The following ARMC3 variants were observed in gnomAD, a reference collection of about 807,000 sequenced individuals.
ARMC3 encodes the protein armadillo repeat-containing protein 3.
A neutral mutation model predicts 90.3 loss-of-function variants in ARMC3; 74 were observed. That is an observed-to-expected ratio of 0.82 (90% CI 0.68 to 0.99). The LOEUF (loss-of-function observed/expected upper bound fraction) is 0.99. ARMC3 is among the 50% of genes least tolerant of loss of function. The probability of loss-of-function intolerance (pLI) is 0.00; values close to 1 mark genes in which losing one functional copy is unlikely to be tolerated. For missense variants in ARMC3, 958 were observed against 1,042.8 expected (o/e 0.92, Z 1.12); for synonymous variants, 334 against 361.8 (o/e 0.92, Z 0.87).
At chr10:22,934,715 A>G (rs920429094) in intron 2 of ARMC3, among the ~76,000 whole-genome samples, 10 of 152,234 alleles carry the variant, frequency 6.6e-5, no homozygotes, top group African/African-American at 2.4e-4. Context: ...TGCTTAATTC[A>G]TAGGAATACC....
At chr10:22,988,332 T>A (rs1836550598) in intron 10 of ARMC3, among the ~76,000 whole-genome samples, 2 of 152,158 alleles carry the variant, frequency 1.3e-5, no homozygotes, top group Non-Finnish European at 2.9e-5. Flanking sequence ...CAAAAATCAG[T>A]GCTGCATTTA....
intron 16 of ARMC3, among the ~76,000 whole-genome samples, chr10:23,029,827 C>G (rs1402332640): frequency 6.6e-6 from 1 of 152,054 alleles, no homozygotes. Flanking sequence ...TGTTCTTGTA[C>G]GTCATGGAGA....
At chr10:23,011,313 TG>T (rs1272322802) in intron 16 of ARMC3, among the ~76,000 whole-genome samples, 1 of 152,170 alleles carries the variant, frequency 6.6e-6, no homozygotes, top group Non-Finnish European at 1.5e-5. Flanking sequence ...CTGGAGCAAA[TG>T]GGTTACCTTC....
intron 8 of ARMC3, among the ~76,000 whole-genome samples, chr10:22,978,261 C>CA (rs1483136741): frequency 2.0e-5 from 3 of 152,314 alleles, no homozygotes; most frequent in Middle Eastern, 6.8e-3. Context: ...TTAATTGACT[C>CA]ACAGTTCTGC....
rs1459189291 is a variant in ARMC3 at position 23,010,811 on chromosome 10, G to GCTCCTTCCCTTGCCTCTCCT, written c.2045+1932_2045+1951dup. Among the ~76,000 whole-genome samples, 98 of 84,492 alleles carry GCTCCTTCCCTTGCCTCTCCT rather than the reference G, an allele frequency of 1.2e-3. 5 individuals are homozygous for GCTCCTTCCCTTGCCTCTCCT. The highest frequency in any genetic ancestry group is 5.9e-3 in the African/African-American group (95 of 16,046). 55.4% of individuals were successfully genotyped at this position (84,492 alleles called of 152,430 possible). The stretch of plus-strand genomic sequence containing the variant: ...CTCCTCTCCTTTGCTCTCTCTCCCT[G>GCTCCTTCCCTTGCCTCTCCT]CTCCTTCCCTTGCCTCTCCTCTCCT... On this transcript the variant is annotated intron_variant, in intron 16 of 18. Coordinates refer to ENST00000298032, the MANE Select transcript of ARMC3 (RefSeq NM_173081.5).
At position 22,929,713 on chromosome 10, in the gene ARMC3, G is replaced by A. The variant is rs141001405; in HGVS notation, c.-2+1607G>A. On this transcript the variant is annotated intron_variant, in intron 1 of 18. Transcript: ENST00000298032. ...CAGGCACATGCCACCGCCACTCCAG[G>A]CTAATTTTTGTATTTTTAGTAGAGA... Among the ~76,000 whole-genome samples, 727 of 152,244 alleles carry A rather than the reference G, an allele frequency of 4.8e-3. 5 individuals carry two copies. The highest frequency in any genetic ancestry group is 0.02 in the South Asian group (97 of 4,826).
At chr10:23,011,108 G>C (rs1268693898) in intron 16 of ARMC3, among the ~76,000 whole-genome samples, 7 of 150,856 alleles carry the variant, frequency 4.6e-5, no homozygotes, top group Non-Finnish European at 8.8e-5. Flanking sequence ...GCCTCTCTGA[G>C]CCTCTCCCCA....
At chr10:22,982,303 C>G (rs7083053) in intron 10 of ARMC3, among the ~76,000 whole-genome samples, 5 of 152,038 alleles carry the variant, frequency 3.3e-5, no homozygotes, top group Non-Finnish European at 5.9e-5. Flanking sequence ...GCTTGAACCC[C>G]GGAGGTGGAG....
At chr10:22,957,402 G>A (rs984470968) in intron 4 of ARMC3, among the ~76,000 whole-genome samples, 1 of 152,214 alleles carries the variant, frequency 6.6e-6, no homozygotes, top group Non-Finnish European at 1.5e-5. Context: ...AGCAGATGGG[G>A]CCCTGTGCGA....
In ARMC3 at chr10:22,932,122, A is replaced by T. The variant is rs943940058; in HGVS notation, c.48+78A>T. ...AAATTGTTCACACAGTTTGGCATGT[A>T]CCAGTATATACATGAATACGCGGTG... On this transcript the variant is annotated intron_variant, in intron 2 of 18. Coordinates refer to ENST00000298032, the MANE Select transcript of ARMC3 (RefSeq NM_173081.5). 7 of 1,285,018 alleles carry T rather than the reference A, an allele frequency of 5.4e-6. No individual in the cohort carries two copies. The African/African-American group carries it at 1.1e-4, about 19-fold the overall frequency. The allele number at this position is 1,285,018 out of a possible 1,614,324, so 79.6% of individuals were successfully genotyped here. A position where few individuals can be genotyped will look rare whatever the true frequency, so the allele number is the denominator to read the frequency against.
At position 23,006,950 on chromosome 10, in the gene ARMC3, G is replaced by C. The variant is rs754176570; in HGVS notation, c.1798G>C (p.Ala600Pro). 4 of 1,612,802 alleles carry C rather than the reference G, an allele frequency of 2.5e-6. No homozygotes were observed. Among genetic ancestry groups the C allele is most frequent in the Non-Finnish European group, 3.4e-6 (4 of 1,179,616 alleles). The change falls in exon 14 of 19, where the codon GCT becomes CCT. Residue 600 changes from alanine to proline, a missense_variant. Coordinates refer to ENST00000298032, the MANE Select transcript of ARMC3 (RefSeq NM_173081.5). ...LCLQEPSDLR[A>P]VLLINSKSYV... ...CTTACAAGAACCAAGTGACCTACGGGCTGTACTCTTAATCAACAGTAAATC... is the reference window on the plus strand; with the variant it reads ...CTTACAAGAACCAAGTGACCTACGGCCTGTACTCTTAATCAACAGTAAATC...
At chr10:23,019,576 C>T (rs1838425008) in intron 16 of ARMC3, among the ~76,000 whole-genome samples, 1 of 152,146 alleles carries the variant, frequency 6.6e-6, no homozygotes, top group African/African-American at 2.4e-5. Flanking sequence ...CAGGGTCTCA[C>T]TTTATAGTCT....
chr10:23,037,570 T>C lies in ARMC3; in HGVS notation c.*91T>C. ...TCCAAATTGATTTTATCTCTTTAAA[T>C]AAAAACTTTAAATAAAAGTATTAGA... is the stretch of plus-strand genomic sequence containing the variant. On this transcript the variant is annotated 3_prime_UTR_variant, in exon 19 of 19. Coordinates refer to ENST00000298032, the MANE Select transcript of ARMC3 (RefSeq NM_173081.5). 1 of 1,102,622 alleles carries C rather than the reference T, an allele frequency of 9.1e-7. No homozygotes were observed. Among genetic ancestry groups the C allele is most frequent in the Non-Finnish European group, 1.2e-6 (1 of 812,198 alleles). 68.3% of individuals were successfully genotyped at this position (1,102,622 alleles called of 1,614,324 possible).
At chr10:23,019,752 C>T (rs1267864815) in intron 16 of ARMC3, among the ~76,000 whole-genome samples, 1 of 152,058 alleles carries the variant, frequency 6.6e-6, no homozygotes, top group Non-Finnish European at 1.5e-5. Context: ...GCCATGTTGC[C>T]CAGGCTGGTC....
rs892007308 is a variant in ARMC3 at position 23,037,206 on chromosome 10, A to G, written c.2410-64A>G. The G allele has an allele frequency of 3.6e-6, 5 of 1,388,876 alleles. No homozygotes were observed. The African/African-American group carries it at 7.2e-5, about 20-fold the overall frequency. 86.0% of individuals were successfully genotyped at this position (1,388,876 alleles called of 1,614,324 possible). On this transcript the variant is annotated intron_variant, in intron 18 of 18. Coordinates refer to ENST00000298032, the MANE Select transcript of ARMC3 (RefSeq NM_173081.5). ...ACCTTCAATCAAGGTGTGCAATTAC[A>G]AATAGGATATTCCCCACCCCTCTCC...
At chr10:22,955,212 G>A (rs899453496) in intron 3 of ARMC3, 1 of 152,374 alleles carries the variant, frequency 6.6e-6, no homozygotes, top group African/African-American at 2.4e-5. Context: ...ACCCAGAAAC[G>A]TTTTAGTAGC....
intron 8 of ARMC3, among the ~76,000 whole-genome samples, chr10:22,979,668 A>G (rs1836099173): frequency 6.6e-6 from 1 of 152,188 alleles, no homozygotes; most frequent in African/African-American, 2.4e-5. Context: ...GAGACTCTGG[A>G]AAAGTTTTGG....
intron 2 of ARMC3, among the ~76,000 whole-genome samples, chr10:22,945,697 T>C (rs77828020): frequency 9.5e-4 from 145 of 152,334 alleles, no homozygotes; most frequent in African/African-American, 3.3e-3. Context: ...ATTGTGTATA[T>C]TGAGTAAGCA....
At chr10:22,962,854 A>G (rs772054599) in intron 7 of ARMC3, among the ~76,000 whole-genome samples, 29 of 152,228 alleles carry the variant, frequency 1.9e-4, no homozygotes, top group Non-Finnish European at 3.8e-4. Context: ...GTACAATATA[A>G]AAGAGCAGTG....
Sources: allele counts gnomAD v4.1 joint callset (sites outside exome capture counted in the v4.1 genomes callset), GRCh38; gene constraint gnomAD v4.1.1; transcripts MANE v1.5; gene names NCBI Gene and HGNC (gene_info 2026-07-23, HGNC 2026-07-21).